The following PI4KB variants were observed in gnomAD, a reference collection of about 807,000 sequenced individuals.
PI4KB encodes the protein phosphatidylinositol 4-kinase beta.
A neutral mutation model predicts 81.4 loss-of-function variants in PI4KB; 23 were observed. That is an observed-to-expected ratio of 0.28 (90% CI 0.20 to 0.40). The LOEUF is 0.40. Ranked by LOEUF, PI4KB falls within the 10% of genes least tolerant of loss-of-function variation. The pLI is 1.00. For missense variants in PI4KB, 651 were observed against 1,036.6 expected (o/e 0.63, Z 5.11); for synonymous variants, 381 against 406.8 (o/e 0.94, Z 0.76).
intron 1 of PI4KB, among the ~76,000 whole-genome samples, chr1:151,322,260 A>G (rs1262478155): frequency 6.6e-6 from 1 of 152,202 alleles, no homozygotes; most frequent in Non-Finnish European, 1.5e-5. Flanking sequence ...GTGACAAGGA[A>G]TTGTTACAGG....
chr1:151,302,995 G>GTTTTTT (rs775167343), intron 6 of PI4KB, among the ~76,000 whole-genome samples: 45 of 107,142 alleles, frequency 4.2e-4, no homozygotes, highest in Non-Finnish European at 7.1e-4. Flanking sequence ...GTGCTTTCTT[G>GTTTTTT]TTTTTTTTTT....
In PI4KB at chr1:151,292,059, CTG is replaced by C. The variant is rs1694314687; in HGVS notation, c.*791_*792del. The C allele has an allele frequency of 6.6e-6, 1 of 152,186 alleles. No homozygotes were observed. The highest frequency in any genetic ancestry group is 1.5e-5 in the Non-Finnish European group (1 of 68,062). The allele number at this position is 152,186 out of a possible 1,614,324, so 9.4% of individuals were successfully genotyped here. ...TGTAGTGCCTTTTGTATCTTGGACA[CTG>C]AGGCATCCGTTCATACCTCATCACC... On this transcript the variant is annotated 3_prime_UTR_variant, in exon 12 of 12. Coordinates refer to ENST00000368873, the MANE Select transcript of PI4KB (RefSeq NM_001369623.2).
chr1:151,316,823 G>T (rs991103840), intron 1 of PI4KB, among the ~76,000 whole-genome samples: 1 of 151,974 alleles, frequency 6.6e-6, no homozygotes, highest in Non-Finnish European at 1.5e-5. Context: ...TTTTGTTGTT[G>T]TTGTTGTTGT....
At chr1:151,302,416 C>A in intron 6 of PI4KB, 118 bp from the exon 7 acceptor site, 1 of 709,024 alleles carries the variant, frequency 1.4e-6, no homozygotes, top group Non-Finnish European at 2.5e-6. Context: ...GATAGGAACC[C>A]AGGCTGAAAG....
chr1:151,293,011 A>C lies in PI4KB; in HGVS notation c.2292T>G (p.His764Gln). The change falls in exon 12 of 12, where the codon CAT becomes CAG. Residue 764 changes from histidine to glutamine, a missense_variant. By Grantham distance (24) the His-to-Gln change is conservative. This residue lies in a region of PI4KB where 70 missense variants were observed against 108.1 expected (regional missense o/e 0.65). Coordinates refer to ENST00000368873, the MANE Select transcript of PI4KB (RefSeq NM_001369623.2). ...MQQGSQLPCF[H>Q]GSSTIRNLKE... ...TGAGGTTTCGAATGGTGCTGGAGCCATGGAAGCAAGGAAGCTGAGAACCTG... is the reference window on the plus strand; with the variant it reads ...TGAGGTTTCGAATGGTGCTGGAGCCCTGGAAGCAAGGAAGCTGAGAACCTG... The C allele has an allele frequency of 6.2e-7, 1 of 1,614,054 alleles. No homozygotes were observed. Among genetic ancestry groups the C allele is most frequent in the Non-Finnish European group, 8.5e-7 (1 of 1,179,938 alleles).
intron 2 of PI4KB, among the ~76,000 whole-genome samples, chr1:151,312,967 A>G (rs1415141632): frequency 6.6e-6 from 1 of 152,176 alleles, no homozygotes; most frequent in Non-Finnish European, 1.5e-5. Flanking sequence ...ACAGTGAGCT[A>G]TGACTGTGCC....
rs1327230346 is a variant in PI4KB, at chr1:151,315,600, G to C, written c.882C>G (p.Ser294Arg). ...CATCCTCATTCTCCACTTTAGGGTTGCTGGCTGTTCGTTTCAGGTTGCTGC... is the reference window on the plus strand; with the variant it reads ...CATCCTCATTCTCCACTTTAGGGTTCCTGGCTGTTCGTTTCAGGTTGCTGC... The part of the protein sequence containing the change: ...SLSSNLKRTA[S>R]NPKVENEDEE... Residue 294 changes from serine to arginine, a missense_variant, in exon 2 of 12, where the codon AGC becomes AGG. Around this residue, in one of 5 missense-constraint regions of PI4KB, gnomAD observed 314 missense variants for 397.8 expected, o/e 0.79. Coordinates refer to ENST00000368873, the MANE Select transcript of PI4KB (RefSeq NM_001369623.2). 2 of 1,613,944 alleles carry C rather than the reference G, an allele frequency of 1.2e-6. No homozygotes were observed. Among genetic ancestry groups the C allele is most frequent in the Admixed American group, 3.3e-5 (2 of 60,014 alleles).
chr1:151,303,000 T>TG (rs1429745102), intron 6 of PI4KB, among the ~76,000 whole-genome samples: 15 of 143,922 alleles, frequency 1.0e-4, no homozygotes, highest in African/African-American at 3.9e-4. Context: ...TTCTTGTTTT[T>TG]TTTTTTTTTT....
At chr1:151,293,925 G>A (rs749981592) in intron 11 of PI4KB, 93 bp downstream of exon 11, 21 of 1,416,046 alleles carry the variant, frequency 1.5e-5, no homozygotes, top group South Asian at 5.1e-5. Context: ...TCCCTCAACC[G>A]AGTCTCGTGG....
intron 9 of PI4KB, among the ~76,000 whole-genome samples, chr1:151,297,272 A>C (rs1694881766): frequency 2.0e-5 from 3 of 151,080 alleles, no homozygotes; most frequent in African/African-American, 7.3e-5. Context: ...TAGAGACGGG[A>C]TCTAACTATG....
chr1:151,294,194 C>CT, intron 10 of PI4KB, 56 bp from the exon 11 acceptor site: 1 of 1,569,802 alleles, frequency 6.4e-7, no homozygotes, highest in East Asian at 2.2e-5. Context: ...GGGATGGTCC[C>CT]TGTCCTGACT....
rs1571125315 is a variant in PI4KB, at chr1:151,293,953, T to C, written c.2269+65A>G. On this transcript the variant is annotated intron_variant, in intron 11 of 11. Transcript: ENST00000368873. ...TCTCGTGGGATCAGCTTTCTTATGC[T>C]CCAGGGCTCCGACTTAAAGGGGAAG... is the stretch of plus-strand genomic sequence containing the variant. 5 of 1,596,606 alleles carry C rather than the reference T, an allele frequency of 3.1e-6. No individual in the cohort carries two copies. The East Asian group carries it at 9.0e-5, about 29-fold the overall frequency.
chr1:151,304,492 C>A (rs186828429), intron 5 of PI4KB, among the ~76,000 whole-genome samples: 1 of 146,674 alleles, frequency 6.8e-6, no homozygotes, highest in African/African-American at 2.5e-5. Flanking sequence ...TACAGGCGCG[C>A]GCCACCATGC....
At chr1:151,304,717 G>A (rs1177615882) in intron 5 of PI4KB, among the ~76,000 whole-genome samples, 1 of 151,386 alleles carries the variant, frequency 6.6e-6, no homozygotes, top group African/African-American at 2.4e-5. Context: ...GTGCAGTGCT[G>A]TGATCTCAGC....
chr1:151,304,086 T>G lies in PI4KB; in HGVS notation c.1411-436A>C, dbSNP rs997591063. 2.6e-5 allele frequency among the ~76,000 whole-genome samples: 4 copies of G among 152,154 alleles called. No homozygotes were observed. In the South Asian group the frequency reaches 8.3e-4, roughly 31 times the overall value. ...TCTTTGCAGACTAGCTTCTGACAGT[T>G]TCTTCAATCTAAGTCATTCAATCTT... On this transcript the variant is annotated intron_variant, in intron 5 of 11. Coordinates refer to ENST00000368873, the MANE Select transcript of PI4KB (RefSeq NM_001369623.2).
intron 1 of PI4KB, among the ~76,000 whole-genome samples, chr1:151,318,181 G>C (rs1648259585): frequency 6.6e-6 from 1 of 152,024 alleles, no homozygotes; most frequent in Non-Finnish European, 1.5e-5. Flanking sequence ...CACTTTGGGA[G>C]GCCGAGGTGG....
intron 9 of PI4KB, among the ~76,000 whole-genome samples, chr1:151,296,245 TCA>T (rs892164590): frequency 6.6e-6 from 1 of 151,832 alleles, no homozygotes; most frequent in Admixed American, 6.6e-5. Flanking sequence ...AGACTCTGTC[TCA>T]CACACACACA....
intron 5 of PI4KB, among the ~76,000 whole-genome samples, chr1:151,304,493 G>A (rs889213084): frequency 2.0e-5 from 3 of 148,738 alleles, no homozygotes; most frequent in African/African-American, 7.5e-5. Flanking sequence ...ACAGGCGCGC[G>A]CCACCATGCC....
At chr1:151,303,820 T>C (rs1695507030) in intron 5 of PI4KB, among the ~76,000 whole-genome samples, 170 bp from the exon 6 acceptor site, 1 of 152,186 alleles carries the variant, frequency 6.6e-6, no homozygotes, top group Non-Finnish European at 1.5e-5. Context: ...TTTCTCAACA[T>C]GTGAACTACC....
Sources: gnomAD v4.1 joint callset for allele counts (sites outside exome capture counted in the v4.1 genomes callset) on GRCh38, gnomAD v4.1.1 for gene constraint, gnomAD v4.1.1 regional missense constraint, MANE v1.5 for transcripts, NCBI Gene and HGNC (gene_info 2026-07-23, HGNC 2026-07-21) for gene names.